HPD: variants seen among roughly 807,000 people sequenced by gnomAD.
The protein encoded by HPD is 4-hydroxyphenylpyruvic acid oxidase.
HPD carries 35 observed loss-of-function variants against 56.9 expected under a neutral mutation model. The ratio of observed to expected loss-of-function variants is 0.62; its 90% CI spans 0.47 to 0.82. The LOEUF (loss-of-function observed/expected upper bound fraction) is 0.82. Among genes scored for constraint, HPD ranks in the 40% least tolerant of loss-of-function variants. The probability of loss-of-function intolerance (pLI) is 0.00; values close to 1 mark genes in which losing one functional copy is unlikely to be tolerated. For synonymous variants in HPD, 186 were observed against 200.2 expected (o/e 0.93, Z 0.60); for missense variants, 442 against 506.8 (o/e 0.87, Z 1.23).
upstream of HPD, among the ~76,000 whole-genome samples, chr12:121,860,414 T>C (rs755183643): frequency 3.9e-4 from 60 of 152,168 alleles, 2 homozygotes; most frequent in Non-Finnish European, 2.1e-4. Context: ...CAGCAGTGGG[T>C]TGCAAAGGCT....
chr12:121,884,131 G>A, the HPD span, among the ~76,000 whole-genome samples: 2 of 151,134 alleles, frequency 1.3e-5, no homozygotes, highest in Non-Finnish European at 1.5e-5. Flanking sequence ...TTCAAGTAAG[G>A]ATCATGTATT....
At chr12:121,884,790 T>TGTAAATGTAAATAATTTACATTTA in the HPD span, among the ~76,000 whole-genome samples, 1 of 152,150 alleles carries the variant, frequency 6.6e-6, no homozygotes, top group South Asian at 2.1e-4. Context: ...ATTTACATTT[T>TGTAAATGTAAATAATTTACATTTA]GTAAATGTAA....
In HPD at chr12:121,839,988, G is replaced by A. The variant is rs766424038; in HGVS notation, c.1015C>T (p.Pro339Ser). ...AAGAGCGTGGGCCGGTCCTGCACCGGTTTGGTGAAGATCTGCAGGAGGTAG... is the reference window on the plus strand; with the variant it reads ...AAGAGCGTGGGCCGGTCCTGCACCGATTTGGTGAAGATCTGCAGGAGGTAG... Reference protein sequence around the residue: ...KGYLLQIFTKPVQDRPTLFLE... With the variant: ...KGYLLQIFTKSVQDRPTLFLE... The change falls in exon 13 of 14, where the codon CCG (proline) becomes TCG (serine). Residue 339 changes from proline to serine, a missense_variant. Transcript: ENST00000289004. 6.2e-7 allele frequency: 1 copy of A among 1,613,880 alleles called. No individual in the cohort carries two copies. The highest frequency in any genetic ancestry group is 8.5e-7 in the Non-Finnish European group (1 of 1,179,980).
chr12:121,857,598 C>T, intron 3 of HPD, 159 bp downstream of exon 3: 1 of 832,936 alleles, frequency 1.2e-6, no homozygotes, highest in Non-Finnish European at 2.0e-6. Flanking sequence ...TGACAGATAA[C>T]TTTCCCGCTG....
intron 7 of HPD, among the ~76,000 whole-genome samples, chr12:121,851,488 A>G (rs1877770670): frequency 1.3e-5 from 2 of 151,180 alleles, no homozygotes; most frequent in Admixed American, 6.6e-5. Context: ...CTGGGATTAC[A>G]GGCGCCTGTC....
At chr12:121,866,427 TA>T (rs55805380), upstream of HPD, among the ~76,000 whole-genome samples, 206 of 148,074 alleles carry the variant, frequency 1.4e-3, no homozygotes, top group Middle Eastern at 7.1e-3. Flanking sequence ...ACCATTTGTG[TA>T]AAAAAAAAAC....
chr12:121,871,093 G>T, the HPD span, among the ~76,000 whole-genome samples: 1 of 152,052 alleles, frequency 6.6e-6, no homozygotes, highest in African/African-American at 2.4e-5. Context: ...TTTAAAAATT[G>T]GATCTAGGCT....
chr12:121,864,782 C>G (rs1218869887), upstream of HPD, among the ~76,000 whole-genome samples: 1 of 150,942 alleles, frequency 6.6e-6, no homozygotes, highest in Non-Finnish European at 1.5e-5. Flanking sequence ...GAACCCGGGG[C>G]GCGGAGCTTG....
intron 7 of HPD, among the ~76,000 whole-genome samples, chr12:121,850,451 T>A (rs1158781643): frequency 2.7e-5 from 4 of 150,000 alleles, no homozygotes; most frequent in Admixed American, 2.0e-4. Flanking sequence ...ACTGAAGAGT[T>A]CTGTCAGCCA....
intron 7 of HPD, chr12:121,850,020 G>A: frequency 1.9e-6 from 1 of 533,686 alleles, no homozygotes; most frequent in South Asian, 1.9e-5. Context: ...GGTGTACCCA[G>A]CGCCAAGCTC....
Position 121,851,673 on chromosome 12 carries a change from A to G in HPD, c.415-1883T>C, listed in dbSNP as rs1156304140. 4.7e-5 allele frequency among the ~76,000 whole-genome samples: 7 copies of G among 147,738 alleles called. No individual in the cohort carries two copies. In the South Asian group the frequency reaches 1.6e-3, roughly 33 times the overall value. On this transcript the variant is annotated intron_variant, in intron 7 of 13. Transcript: ENST00000289004. ...ATTTAATTTTTTAACTTTTTAAAAC[A>G]TTTTTATTCATTTATTTATTTATTT...
intron 12 of HPD, 35 bp downstream of exon 12, chr12:121,843,675 C>T (rs1877478384): frequency 6.2e-7 from 1 of 1,612,892 alleles, no homozygotes; most frequent in Non-Finnish European, 8.5e-7. Flanking sequence ...GCTCATACTC[C>T]CCCCACAAGG....
At chr12:121,862,986 C>T (rs895440931), upstream of HPD, among the ~76,000 whole-genome samples, 1 of 144,986 alleles carries the variant, frequency 6.9e-6, no homozygotes, top group Non-Finnish European at 1.5e-5. Flanking sequence ...GGCACCCCCC[C>T]TCCTTTTTTT....
At chr12:121,879,080 T>C in the HPD span, among the ~76,000 whole-genome samples, 3 of 151,588 alleles carry the variant, frequency 2.0e-5, no homozygotes, top group South Asian at 6.2e-4. Context: ...AGGTCAGGAG[T>C]TTGAGACCAG....
the HPD span, among the ~76,000 whole-genome samples, chr12:121,879,524 C>G: frequency 1.1e-5 from 1 of 89,484 alleles, no homozygotes; most frequent in African/African-American, 3.0e-5. Flanking sequence ...CTTTTCTTTT[C>G]TCTTATTTGA....
Position 121,854,759 on chromosome 12 carries a change from C to T in HPD, c.358G>A (p.Glu120Lys). The change falls in exon 7 of 14, where the codon GAG (glutamate) becomes AAG (lysine). Residue 120 changes from glutamate (E) to lysine (K), a missense_variant. Coordinates refer to ENST00000289004, the MANE Select transcript of HPD (RefSeq NM_002150.3). ...AACTTGTCTTGCTCTACCCAGGGCTCCCGCATGATTTTGGCGCCCCGTTCC... is the reference window on the plus strand; with the variant it reads ...AACTTGTCTTGCTCTACCCAGGGCTTCCGCATGATTTTGGCGCCCCGTTCC... ...ARERGAKIMR[E>K]PWVEQDKFGK... is the part of the protein sequence containing the mutation. 6.2e-7 allele frequency: 1 copy of T among 1,614,116 alleles called. No individual in the cohort carries two copies. Among genetic ancestry groups the T allele is most frequent in the African/African-American group, 1.3e-5 (1 of 75,024 alleles).
chr12:121,851,756 C>T (rs1877790722), intron 7 of HPD, among the ~76,000 whole-genome samples: 3 of 26,984 alleles, frequency 1.1e-4, no homozygotes, highest in African/African-American at 2.9e-4. Flanking sequence ...GTCGCCCAGG[C>T]TGGAGTGCAG....
chr12:121,879,482 G>GTTCTCTTCTCTTCTGTTCTC, the HPD span, among the ~76,000 whole-genome samples: 213 of 148,014 alleles, frequency 1.4e-3, 1 homozygote, highest in East Asian at 0.019. Context: ...TTTCTCTTCT[G>GTTCTCTTCTCTTCTGTTCTC]TTCTCTTCTC....
In HPD at chr12:121,847,257, A is replaced by C. The variant is rs1877619639; in HGVS notation, c.597-43T>G. ...GAACACATATGCTCTGAGCGCCTCC[A>C]GGGACGGCCTCCATCACCCATTTCC... On this transcript the variant is annotated intron_variant, in intron 9 of 13. Coordinates refer to ENST00000289004, the MANE Select transcript of HPD (RefSeq NM_002150.3). 1.9e-6 allele frequency: 3 copies of C among 1,601,102 alleles called. No homozygotes were observed. In the African/African-American group the frequency reaches 4.0e-5, roughly 21 times the overall value.
Sources: gnomAD v4.1 joint callset for allele counts (sites outside exome capture counted in the v4.1 genomes callset) on GRCh38, gnomAD v4.1.1 for gene constraint, MANE v1.5 for transcripts, NCBI Gene and HGNC (gene_info 2026-07-23, HGNC 2026-07-21) for gene names.